Variants in INTU observed in about 807,000 individuals in gnomAD.
The protein encoded by INTU is protein inturned.
In INTU, 68 loss-of-function variants were observed where a neutral mutation model predicts 100.5. The observed-to-expected ratio is 0.68, with a 90% confidence interval of 0.56 to 0.83. The LOEUF (loss-of-function observed/expected upper bound fraction) is 0.83, where lower values mean the gene tolerates loss of function less well. INTU is among the 40% of genes least tolerant of loss of function. The probability of loss-of-function intolerance (pLI) is 0.00; values close to 1 mark genes in which losing one functional copy is unlikely to be tolerated. For missense variants in INTU, 1,071 were observed against 1,114.7 expected (o/e 0.96, Z 0.56); for synonymous variants, 357 against 395.7 (o/e 0.90, Z 1.16).
In INTU at chr4:127,726,499, G is replaced by T. The variant is rs1175122838; in HGVS notation, c.*10063G>T. 1 of 152,066 alleles carries T rather than the reference G, an allele frequency of 6.6e-6. No individual in the cohort carries two copies. Among genetic ancestry groups the T allele is most frequent in the African/African-American group, 2.4e-5 (1 of 41,396 alleles). 9.4% of individuals were successfully genotyped at this position (152,066 alleles called of 1,614,324 possible). ...CCAAGTAGTCAGCTAAATCATACCT[G>T]CTACTGTACAAAATGTAGGGGAAAA... On this transcript the variant is annotated 3_prime_UTR_variant, in exon 16 of 16. Transcript: ENST00000335251.
At chr4:127,634,984 A>G (rs1365455562) in intron 1 of INTU, among the ~76,000 whole-genome samples, 2 of 152,228 alleles carry the variant, frequency 1.3e-5, no homozygotes, top group African/African-American at 4.8e-5. Context: ...AAGCAAAGAC[A>G]TGAATTTCCT....
intron 15 of INTU, among the ~76,000 whole-genome samples, chr4:127,715,402 TC>T (rs1158014410): frequency 6.6e-6 from 1 of 152,154 alleles, no homozygotes; most frequent in Non-Finnish European, 1.5e-5. Flanking sequence ...AAGCAGAAAT[TC>T]CCATGTGCTA....
In INTU at chr4:127,674,126, C is replaced by G; in HGVS notation, c.1094C>G (p.Ser365Ter). 6.2e-7 allele frequency: 1 copy of G among 1,600,918 alleles called. No homozygotes were observed. The highest frequency in any genetic ancestry group is 1.1e-5 in the South Asian group (1 of 89,416). The change falls in exon 6 of 16, where the codon TCA becomes TGA. Residue 365 changes from serine (S) to a stop codon, truncating the protein, a stop_gained and splice_region_variant. Transcript: ENST00000335251. LOFTEE classifies it high-confidence loss of function. The stretch of plus-strand genomic sequence containing the variant: ...ATTTTGAATATATTGTTTCTTAGTT[C>G]ATCCCTCCTTTTAAATGGAAAACAA... ...ENVTGTQVTS[S>*]SLLLNGKQIH... is the part of the protein sequence containing the mutation.
intron 4 of INTU, among the ~76,000 whole-genome samples, chr4:127,668,341 A>G (rs897045300): frequency 6.6e-6 from 1 of 151,938 alleles, no homozygotes; most frequent in Non-Finnish European, 1.5e-5. Flanking sequence ...CATTTTGTGA[A>G]TTATCTTGTA....
In INTU at chr4:127,703,605, T is replaced by C. The variant is rs150864524; in HGVS notation, c.1504-623T>C. ...GTATCCTAAAACCTTTTATGCCTGC[T>C]CATATAGATCAATCATATTTTTTTA... On this transcript the variant is annotated intron_variant, in intron 9 of 15. Transcript: ENST00000335251. Among the ~76,000 whole-genome samples the C allele has an allele frequency of 3.3e-3, 498 of 152,334 alleles. 2 individuals are homozygous for C. The highest frequency in any genetic ancestry group is 4.9e-3 in the Non-Finnish European group (333 of 68,034).
rs929823312 is a variant in INTU, at chr4:127,721,914, C to G, written c.*5478C>G. On this transcript the variant is annotated 3_prime_UTR_variant, in exon 16 of 16. Transcript: ENST00000335251. ...TCTTTGCAGTGAGTTAGAACATATT[C>G]CCTTAGCTTGGTGAAGTTCGTTATT... 6.6e-6 allele frequency: 1 copy of G among 152,184 alleles called. No homozygotes were observed. The highest frequency in any genetic ancestry group is 2.1e-4 in the South Asian group (1 of 4,828). The allele number at this position is 152,184 out of a possible 1,614,324, so 9.4% of individuals were successfully genotyped here.
In INTU at chr4:127,663,475, A is replaced by G; in HGVS notation, c.863A>G (p.Lys288Arg). ...KTQSNTSDLVKLLWGEEVEGI... is the reference protein window; with the variant it reads ...KTQSNTSDLVRLLWGEEVEGI... The stretch of plus-strand genomic sequence containing the variant: ...CAGTCCAACACAAGTGATTTAGTCA[A>G]GCTTCTCTGGGGAGAAGAGGTTGAA... Residue 288 changes from lysine to arginine, a missense_variant, in exon 4 of 16, where the codon AAG becomes AGG. Lys to Arg is a conservative substitution (Grantham distance 26, BLOSUM62 2). Coordinates refer to ENST00000335251, the MANE Select transcript of INTU (RefSeq NM_015693.4). The G allele has an allele frequency of 6.2e-7, 1 of 1,613,306 alleles. No individual in the cohort carries two copies. Among genetic ancestry groups the G allele is most frequent in the South Asian group, 1.1e-5 (1 of 91,062 alleles).
chr4:127,713,513 A>G (rs1731161539), intron 14 of INTU, among the ~76,000 whole-genome samples: 1 of 152,222 alleles, frequency 6.6e-6, no homozygotes, highest in South Asian at 2.1e-4. Context: ...TTATTACAGA[A>G]TTATCTGTTC....
rs1173054545 is a variant in INTU at position 127,663,532 on chromosome 4, A to G, written c.920A>G (p.His307Arg). 5 of 1,613,486 alleles carry G rather than the reference A, an allele frequency of 3.1e-6. No homozygotes were observed. Among genetic ancestry groups the G allele is most frequent in the Non-Finnish European group, 4.2e-6 (5 of 1,179,582 alleles). The change falls in exon 4 of 16, where the codon CAT becomes CGT. Residue 307 changes from histidine to arginine, a missense_variant. By Grantham distance (29) the His-to-Arg change is conservative. Transcript: ENST00000335251. ...CAGCAGAGTGGCCTAAACACTCCTCATATCATTATGTATCTCACACTACAG... is the reference window on the plus strand; with the variant it reads ...CAGCAGAGTGGCCTAAACACTCCTCGTATCATTATGTATCTCACACTACAG... ...GIQQSGLNTP[H>R]IIMYLTLQLD...
chr4:127,682,688 A>G (rs912191349), intron 6 of INTU, among the ~76,000 whole-genome samples: 6 of 151,910 alleles, frequency 3.9e-5, no homozygotes, highest in African/African-American at 1.4e-4. Flanking sequence ...TGGCACATGT[A>G]TACATATGTA....
intron 13 of INTU, among the ~76,000 whole-genome samples, chr4:127,709,333 A>G (rs1430873564): frequency 6.6e-6 from 1 of 151,218 alleles, no homozygotes; most frequent in African/African-American, 2.4e-5. Flanking sequence ...CAGTCACTAC[A>G]CCCCTACAGC....
chr4:127,703,197 A>T (rs1445774539), intron 9 of INTU, among the ~76,000 whole-genome samples: 1 of 152,218 alleles, frequency 6.6e-6, no homozygotes, highest in Non-Finnish European at 1.5e-5. Flanking sequence ...GTAGTATTCC[A>T]TCATATGCAT....
intron 6 of INTU, among the ~76,000 whole-genome samples, chr4:127,674,711 A>G (rs1729094389): frequency 6.6e-6 from 1 of 152,188 alleles, no homozygotes; most frequent in African/African-American, 2.4e-5. Flanking sequence ...AGTATTTTGA[A>G]GTATACATTA....
chr4:127,643,466 A>G, intron 1 of INTU, 55 bp from the exon 2 acceptor site: 1 of 1,436,484 alleles, frequency 7.0e-7, no homozygotes, highest in Non-Finnish European at 9.4e-7. Context: ...AGGATGACAT[A>G]CCTTTCTTTT....
intron 3 of INTU, among the ~76,000 whole-genome samples, chr4:127,661,742 T>C (rs1728486378): frequency 6.6e-6 from 1 of 152,182 alleles, no homozygotes; most frequent in African/African-American, 2.4e-5. Context: ...GTCTTCCATA[T>C]ACTTTCTTTT....
intron 1 of INTU, among the ~76,000 whole-genome samples, chr4:127,636,024 T>C: frequency 6.6e-6 from 1 of 152,162 alleles, no homozygotes; most frequent in Non-Finnish European, 1.5e-5. Context: ...ATCCTGCTTT[T>C]GGGAGCCAAC....
At position 127,640,567 on chromosome 4, in the gene INTU, A is replaced by G. The variant is rs974253426; in HGVS notation, c.147-2954A>G. The stretch of plus-strand genomic sequence containing the variant: ...CATATATATATATATATATATATAT[A>G]TATATATATATATATATATATATAC... On this transcript the variant is annotated intron_variant, in intron 1 of 15. Coordinates refer to ENST00000335251, the MANE Select transcript of INTU (RefSeq NM_015693.4). Among the ~76,000 whole-genome samples the G allele has an allele frequency of 7.1e-5, 5 of 70,568 alleles. 1 individual carries two copies. The highest frequency in any genetic ancestry group is 3.1e-4 in the African/African-American group (5 of 16,016). The allele number at this position is 70,568 out of a possible 152,430, so 46.3% of individuals were successfully genotyped here. A position where few individuals can be genotyped will look rare whatever the true frequency, so the allele number is the denominator to read the frequency against.
chr4:127,715,030 T>C (rs1731220289), intron 15 of INTU, among the ~76,000 whole-genome samples: 1 of 151,982 alleles, frequency 6.6e-6, no homozygotes, highest in South Asian at 2.1e-4. Context: ...TTTATAGGTA[T>C]AGAGAGAAAT....
At chr4:127,672,299 A>G (rs1728965062) in intron 5 of INTU, among the ~76,000 whole-genome samples, 1 of 152,170 alleles carries the variant, frequency 6.6e-6, no homozygotes, top group Admixed American at 6.5e-5. Context: ...GGCAACTGCT[A>G]ATCTACTTTC....
Sources: allele counts gnomAD v4.1 joint callset (sites outside exome capture counted in the v4.1 genomes callset), GRCh38; gene constraint gnomAD v4.1.1; transcripts MANE v1.5; gene names NCBI Gene and HGNC (gene_info 2026-07-23, HGNC 2026-07-21).